ERI2: variants seen among roughly 807,000 people sequenced by gnomAD.
ERI2 encodes ERI1 exoribonuclease family member 2, also known as ERI1 exoribonuclease 2.
ERI2 carries 35 observed loss-of-function variants against 46.8 expected under a neutral mutation model. That is an observed-to-expected ratio of 0.75 (90% CI 0.57 to 0.99). The LOEUF is 0.99. Ranked by LOEUF, ERI2 falls within the 50% of genes least tolerant of loss-of-function variation. The pLI, the probability that ERI2 is intolerant of heterozygous loss-of-function variation, is 0.00. For synonymous variants in ERI2, 224 were observed against 271.0 expected (o/e 0.83, Z 1.70); for missense variants, 695 against 796.2 (o/e 0.87, Z 1.53).
At chr16:20,784,966 A>G in intron 10 of ERI2, 11 of 1,602,626 alleles carry the variant, frequency 6.9e-6, no homozygotes, top group Non-Finnish European at 9.4e-6. Flanking sequence ...AATCTAACTT[A>G]TCTGGTTTTC....
intron 10 of ERI2, chr16:20,785,987 T>G: frequency 3.4e-6 from 3 of 876,838 alleles, no homozygotes; most frequent in Non-Finnish European, 5.1e-6. Flanking sequence ...TAGTAAGTTT[T>G]CAATAAATAA....
chr16:20,806,336 G>A lies in ERI2; in HGVS notation c.23+72C>T. Reference sequence around the variant, plus strand: ...CCTCACCGCAGATGCCACCTGCCGTGCCCTGCTCTGCGGCCAACGCCAGCG... The same window carrying A: ...CCTCACCGCAGATGCCACCTGCCGTACCCTGCTCTGCGGCCAACGCCAGCG... On this transcript the variant is annotated intron_variant, in intron 1 of 8. Transcript: ENST00000357967. 18 of 1,540,508 alleles carry A rather than the reference G, an allele frequency of 1.2e-5. No homozygotes were observed. The South Asian group carries it at 2.2e-4, about 18-fold the overall frequency.
intron 7 of ERI2, 152 bp downstream of exon 7, chr16:20,799,805 A>C (rs949003994): frequency 1.9e-6 from 1 of 533,078 alleles, no homozygotes. Context: ...GGTAATTTGA[A>C]AGTCTTAGAA....
chr16:20,796,578 C>A lies in ERI2; in HGVS notation c.*1146G>T. 1 of 1,576,708 alleles carries A rather than the reference C, an allele frequency of 6.3e-7. No homozygotes were observed. The highest frequency in any genetic ancestry group is 1.2e-5 in the South Asian group (1 of 85,578). Reference sequence around the variant, plus strand: ...TACATTTTAATGAATATTTTCTTCACACATGCTGCACCACATGTCCCAAAC... The same window carrying A: ...TACATTTTAATGAATATTTTCTTCAAACATGCTGCACCACATGTCCCAAAC... On this transcript the variant is annotated 3_prime_UTR_variant, in exon 9 of 9. Transcript: ENST00000357967.
In ERI2 at chr16:20,798,908, T is replaced by A; in HGVS notation, c.892A>T (p.Ile298Phe). ...GCCTTTATAGGAGAATTTGCACAAA[T>A]TGACTTCATTTGAACTTTTTCATGA... is the stretch of plus-strand genomic sequence containing the variant. ...NPHEKVQMKS[I>F]CANSPIKAQQ... is the part of the protein sequence containing the mutation. Residue 298 changes from isoleucine (I) to phenylalanine (F), a missense_variant, in exon 9 of 9, where the codon ATT (isoleucine) becomes TTT (phenylalanine). Ile to Phe is a conservative substitution (Grantham distance 21, BLOSUM62 0). Coordinates refer to ENST00000357967, the MANE Select transcript of ERI2 (RefSeq NM_001142725.2). 1 of 1,551,070 alleles carries A rather than the reference T, an allele frequency of 6.4e-7. No homozygotes were observed. The highest frequency in any genetic ancestry group is 8.7e-7 in the Non-Finnish European group (1 of 1,146,784).
downstream of ERI2, chr16:20,792,806 G>A (rs1049903494): frequency 1.5e-6 from 1 of 675,012 alleles, no homozygotes; most frequent in African/African-American, 2.0e-5. Context: ...TAAATAAGTA[G>A]AGATTTCAGG....
At chr16:20,799,683 T>C (rs2080775203) in intron 7 of ERI2, 8 of 469,168 alleles carry the variant, frequency 1.7e-5, no homozygotes, top group Non-Finnish European at 2.6e-5. Flanking sequence ...TAGTCCATTC[T>C]ATTATTTGAG....
At chr16:20,784,352 C>T (rs1342905081) in intron 10 of ERI2, among the ~76,000 whole-genome samples, 2 of 152,198 alleles carry the variant, frequency 1.3e-5, no homozygotes, top group Admixed American at 1.3e-4. Context: ...CAGCAGATTA[C>T]AGAGTACTTC....
At chr16:20,789,185 T>G (rs2080539219) in intron 10 of ERI2, among the ~76,000 whole-genome samples, 1 of 151,986 alleles carries the variant, frequency 6.6e-6, no homozygotes, top group Admixed American at 6.6e-5. Flanking sequence ...CACAGAGGAG[T>G]GTAATGATTA....
intron 10 of ERI2, among the ~76,000 whole-genome samples, chr16:20,782,844 G>A (rs1338803735): frequency 6.6e-6 from 1 of 152,214 alleles, no homozygotes; most frequent in Non-Finnish European, 1.5e-5. Context: ...AAAAGTTACA[G>A]ATGAATAGCT....
At chr16:20,783,333 T>C (rs1196448583) in intron 10 of ERI2, 1 of 152,126 alleles carries the variant, frequency 6.6e-6, no homozygotes, top group Non-Finnish European at 1.5e-5. Context: ...TCAGTACAGG[T>C]TGAGTATCCC....
chr16:20,780,603 C>T, exon 11 of ERI2: 1 of 1,606,248 alleles, frequency 6.2e-7, no homozygotes, highest in Non-Finnish European at 8.5e-7. Context: ...GCCACTGGCA[C>T]CTGATTCATG....
At chr16:20,803,773 T>C (rs879175061) in intron 1 of ERI2, 103 bp from the exon 2 acceptor site, 1 of 1,386,232 alleles carries the variant, frequency 7.2e-7, no homozygotes, top group Non-Finnish European at 1.0e-6. Flanking sequence ...TCATTATTTA[T>C]TGTGACTGAG....
intron 10 of ERI2, among the ~76,000 whole-genome samples, chr16:20,783,893 C>A (rs910320256): frequency 6.6e-6 from 1 of 152,024 alleles, no homozygotes; most frequent in African/African-American, 2.4e-5. Flanking sequence ...CTGCAACCTC[C>A]GCCTCCTGTT....
Position 20,797,646 on chromosome 16 carries a change from T to A in ERI2, c.*78A>T. 1 of 1,383,512 alleles carries A rather than the reference T, an allele frequency of 7.2e-7. No homozygotes were observed. The highest frequency in any genetic ancestry group is 9.4e-7 in the Non-Finnish European group (1 of 1,066,486). The allele number at this position is 1,383,512 out of a possible 1,614,324, so 85.7% of individuals were successfully genotyped here. On this transcript the variant is annotated 3_prime_UTR_variant, in exon 9 of 9. Transcript: ENST00000357967. The stretch of plus-strand genomic sequence containing the variant: ...TAAACATTAATATATAAAATAAAAA[T>A]AAAATAGTGTAAGATGTTATCAGAA...
intron 10 of ERI2, chr16:20,784,504 T>C (rs761274613): frequency 5.2e-5 from 8 of 152,752 alleles, no homozygotes; most frequent in Admixed American, 1.3e-4. Context: ...TAAAGTGTTA[T>C]TATGGTGCTC....
intron 6 of ERI2, 117 bp from the exon 7 acceptor site, chr16:20,800,155 T>C: frequency 1.1e-6 from 1 of 888,578 alleles, no homozygotes; most frequent in African/African-American, 1.7e-5. Flanking sequence ...TTTTTGTGTG[T>C]TGTTTTTAAA....
chr16:20,784,867 G>A, intron 10 of ERI2: 4 of 1,108,158 alleles, frequency 3.6e-6, no homozygotes, highest in African/African-American at 1.6e-5. Context: ...TTGTGCTAGG[G>A]AGAGGAATTA....
chr16:20,803,280 G>T, intron 3 of ERI2, 153 bp downstream of exon 3: 1 of 798,898 alleles, frequency 1.3e-6, no homozygotes, highest in African/African-American at 1.7e-5. Flanking sequence ...TTAGGTATTT[G>T]AGATTTTGCT....
Sources: gnomAD v4.1 joint callset for allele counts (sites outside exome capture counted in the v4.1 genomes callset) on GRCh38, gnomAD v4.1.1 for gene constraint, MANE v1.5 for transcripts, NCBI Gene and HGNC (gene_info 2026-07-23, HGNC 2026-07-21) for gene names.